The following SRGAP1 variants were observed in gnomAD, a reference collection of about 807,000 sequenced individuals.
The protein encoded by SRGAP1 is SLIT-ROBO Rho GTPase-activating protein 1.
In SRGAP1, 43 loss-of-function variants were observed where a neutral mutation model predicts 121.9. That is an observed-to-expected ratio of 0.35 (90% CI 0.28 to 0.46). The LOEUF (loss-of-function observed/expected upper bound fraction) is 0.46, where lower values mean the gene tolerates loss of function less well. SRGAP1 is among the 20% of genes least tolerant of loss of function. SRGAP1 has a pLI of 1.00. For synonymous variants in SRGAP1, 447 were observed against 485.4 expected, an observed-to-expected ratio of 0.92 and a Z score of 1.04; for missense variants, 1,102 against 1,350.9, an observed-to-expected ratio of 0.82 and a Z score of 2.89.
At chr12:63,962,078 G>T (rs2032658126) in intron 1 of SRGAP1, among the ~76,000 whole-genome samples, 1 of 152,164 alleles carries the variant, frequency 6.6e-6, no homozygotes, top group East Asian at 1.9e-4. Flanking sequence ...GCTTCCCTCT[G>T]TGTGGTTACA....
rs73317347 is a variant in SRGAP1, at chr12:63,957,626, C to G, written c.68-26321C>G. Among the ~76,000 whole-genome samples, 786 of 152,216 alleles carry G rather than the reference C, an allele frequency of 5.2e-3. 8 individuals are homozygous for G. Among genetic ancestry groups the G allele is most frequent in the African/African-American group, 0.018 (758 of 41,520 alleles). Reference sequence around the variant, plus strand: ...ATGCTGCTCGTCCCTGCCCTTACCCCACTCCAAATTTCATATTGAAAAAGA... The same window carrying G: ...ATGCTGCTCGTCCCTGCCCTTACCCGACTCCAAATTTCATATTGAAAAAGA... On this transcript the variant is annotated intron_variant, in intron 1 of 21. Coordinates refer to ENST00000355086, the MANE Select transcript of SRGAP1 (RefSeq NM_020762.4).
intron 3 of SRGAP1, among the ~76,000 whole-genome samples, chr12:64,011,301 T>C (rs1385608884): frequency 1.3e-5 from 2 of 152,060 alleles, no homozygotes; most frequent in African/African-American, 2.4e-5. Context: ...TAGAAAAAAA[T>C]TGATCAGCCA....
chr12:64,119,819 G>T (rs1592339711), intron 18 of SRGAP1, among the ~76,000 whole-genome samples: 1 of 133,410 alleles, frequency 7.5e-6, no homozygotes, highest in African/African-American at 2.9e-5. Flanking sequence ...TGCCCAGGCT[G>T]GAGTGCAATG....
intron 15 of SRGAP1, among the ~76,000 whole-genome samples, chr12:64,104,873 C>T (rs557250959): frequency 1.3e-5 from 2 of 151,008 alleles, no homozygotes; most frequent in East Asian, 1.9e-4. Flanking sequence ...TCCCACAGGC[C>T]CCCTCATTCT....
intron 1 of SRGAP1, among the ~76,000 whole-genome samples, chr12:63,916,985 G>A (rs1446183427): frequency 6.6e-6 from 1 of 152,132 alleles, no homozygotes; most frequent in Non-Finnish European, 1.5e-5. Flanking sequence ...TTTGGCATGG[G>A]CTGCTGATTT....
At chr12:63,905,546 G>A (rs2030160693) in intron 1 of SRGAP1, among the ~76,000 whole-genome samples, 1 of 152,202 alleles carries the variant, frequency 6.6e-6, no homozygotes, top group Non-Finnish European at 1.5e-5. Flanking sequence ...CTTTGGTCTT[G>A]ATTTATACAG....
intron 1 of SRGAP1, among the ~76,000 whole-genome samples, chr12:63,980,964 T>G (rs2033229632): frequency 6.6e-6 from 1 of 152,164 alleles, no homozygotes; most frequent in Non-Finnish European, 1.5e-5. Flanking sequence ...TATGATCCTT[T>G]CCTTATTTGT....
At chr12:64,123,317 G>T (rs533550424) in intron 18 of SRGAP1, among the ~76,000 whole-genome samples, 1 of 152,208 alleles carries the variant, frequency 6.6e-6, no homozygotes, top group East Asian at 1.9e-4. Context: ...ACTATATCCG[G>T]CATGGGTGAC....
chr12:64,122,086 G>T (rs1363496564), intron 18 of SRGAP1, among the ~76,000 whole-genome samples: 2 of 152,170 alleles, frequency 1.3e-5, no homozygotes, highest in Admixed American at 1.3e-4. Context: ...GCAACAGCAA[G>T]GTTCCAAAGA....
chr12:64,104,437 T>C (rs2036307151), intron 15 of SRGAP1, among the ~76,000 whole-genome samples: 1 of 152,172 alleles, frequency 6.6e-6, no homozygotes, highest in Non-Finnish European at 1.5e-5. Flanking sequence ...TGACAACTTT[T>C]CTGAGGGGAA....
chr12:64,003,532 C>T (rs1461119961), intron 3 of SRGAP1, among the ~76,000 whole-genome samples: 2 of 131,328 alleles, frequency 1.5e-5, no homozygotes, highest in Non-Finnish European at 3.3e-5. Context: ...CTGAAAAATG[C>T]TATAACTAAA....
At chr12:64,095,988 G>A (rs1397087298) in intron 14 of SRGAP1, among the ~76,000 whole-genome samples, 1 of 152,078 alleles carries the variant, frequency 6.6e-6, no homozygotes, top group African/African-American at 2.4e-5. Flanking sequence ...ATGTGATACG[G>A]GTCAAGTCGC....
intron 9 of SRGAP1, 60 bp downstream of exon 9, chr12:64,079,176 A>G (rs2035792157): frequency 5.1e-6 from 8 of 1,583,310 alleles, no homozygotes; most frequent in South Asian, 1.1e-5. Context: ...CCCAAGTGCC[A>G]CTTCTATAGT....
chr12:64,124,587 A>G (rs923259575), intron 18 of SRGAP1, among the ~76,000 whole-genome samples: 1 of 152,136 alleles, frequency 6.6e-6, no homozygotes, highest in African/African-American at 2.4e-5. Context: ...GCTAAGGATG[A>G]GGTATTTGTG....
chr12:63,962,097 C>A (rs2032658567), intron 1 of SRGAP1, among the ~76,000 whole-genome samples: 1 of 152,072 alleles, frequency 6.6e-6, no homozygotes, highest in Non-Finnish European at 1.5e-5. Flanking sequence ...CACTGGGTGC[C>A]CATACTGGCT....
Position 64,126,796 on chromosome 12 carries a change from A to G in SRGAP1, c.2405+639A>G, listed in dbSNP as rs139334793. Reference sequence around the variant, plus strand: ...CTCGGAAGCCAAGAAATGTGTGTATATGCAGACATGTAGTCATATATATCT... The same window carrying G: ...CTCGGAAGCCAAGAAATGTGTGTATGTGCAGACATGTAGTCATATATATCT... On this transcript the variant is annotated intron_variant, in intron 19 of 21. Coordinates refer to ENST00000355086, the MANE Select transcript of SRGAP1 (RefSeq NM_020762.4). Among the ~76,000 whole-genome samples the G allele has an allele frequency of 1.4e-4, 22 of 152,350 alleles. 1 individual carries two copies. The East Asian group carries it at 3.5e-3, about 24-fold the overall frequency.
intron 4 of SRGAP1, among the ~76,000 whole-genome samples, chr12:64,036,428 T>C (rs147084519): frequency 6.6e-6 from 1 of 152,344 alleles, no homozygotes; most frequent in Non-Finnish European, 1.5e-5. Context: ...CTCTTATGTA[T>C]TGATTGTAGA....
chr12:64,056,436 C>T (rs2035342035), intron 6 of SRGAP1, among the ~76,000 whole-genome samples: 1 of 151,392 alleles, frequency 6.6e-6, no homozygotes, highest in African/African-American at 2.4e-5. Context: ...GCCTGTAATC[C>T]CAACTAGTTG....
chr12:63,992,490 T>C (rs750523921), intron 3 of SRGAP1, among the ~76,000 whole-genome samples: 2 of 152,064 alleles, frequency 1.3e-5, no homozygotes, highest in African/African-American at 2.4e-5. Context: ...ACTTGGCCTT[T>C]GTTTTGGGGA....
Sources: gnomAD v4.1 joint callset for allele counts (sites outside exome capture counted in the v4.1 genomes callset) on GRCh38, gnomAD v4.1.1 for gene constraint, MANE v1.5 for transcripts, NCBI Gene and HGNC (gene_info 2026-07-23, HGNC 2026-07-21) for gene names.